Variants in CCSER1 observed in about 807,000 individuals in gnomAD.
CCSER1 encodes coiled-coil serine rich protein 1, also known as serine-rich coiled-coil domain-containing protein 1.
CCSER1 carries 41 observed loss-of-function variants against 82.0 expected under a neutral mutation model. The observed-to-expected ratio is 0.50, with a 90% CI of 0.39 to 0.65. The LOEUF (loss-of-function observed/expected upper bound fraction) is 0.65, where lower values mean the gene tolerates loss of function less well. Ranked by LOEUF, CCSER1 falls within the 30% of genes least tolerant of loss-of-function variation. CCSER1 has a pLI of 0.00. For synonymous variants in CCSER1, 414 were observed against 383.9 expected (o/e 1.08, Z -0.92); for missense variants, 1,119 against 1,064.2 (o/e 1.05, Z -0.72).
chr4:90,942,544 C>G (rs1464550152), intron 9 of CCSER1, among the ~76,000 whole-genome samples: 3 of 152,028 alleles, frequency 2.0e-5, no homozygotes, highest in African/African-American at 4.8e-5. Flanking sequence ...TTTCTGGCTA[C>G]TTTCTTACTA....
chr4:90,521,263 C>T (rs998550999), intron 5 of CCSER1, among the ~76,000 whole-genome samples: 1 of 152,036 alleles, frequency 6.6e-6, no homozygotes, highest in Non-Finnish European at 1.5e-5. Context: ...AAACCCTTAA[C>T]CTAACCAATT....
At chr4:91,288,586 T>C (rs1429625024) in intron 10 of CCSER1, among the ~76,000 whole-genome samples, 2 of 152,022 alleles carry the variant, frequency 1.3e-5, no homozygotes, top group East Asian at 3.9e-4. Context: ...CCTGAGAAGC[T>C]GTCCCTTGTG....
At chr4:91,188,280 A>G (rs940761017) in intron 10 of CCSER1, among the ~76,000 whole-genome samples, 1 of 152,156 alleles carries the variant, frequency 6.6e-6, no homozygotes, top group African/African-American at 2.4e-5. Context: ...TTTTCAGGAA[A>G]CATTGTCTAT....
intron 9 of CCSER1, chr4:91,015,362 C>T (rs1352207473): frequency 6.6e-6 from 1 of 151,962 alleles, no homozygotes; most frequent in Non-Finnish European, 1.5e-5. Flanking sequence ...AACTAATAGG[C>T]TACCGTGATA....
chr4:91,067,626 T>G (rs1197539695), intron 9 of CCSER1, among the ~76,000 whole-genome samples: 2 of 124,954 alleles, frequency 1.6e-5, no homozygotes, highest in African/African-American at 2.6e-5. Flanking sequence ...ATTACAGGTA[T>G]GAGCCACTGC....
At position 90,388,404 on chromosome 4, in the gene CCSER1, G is replaced by A. The variant is rs185931661; in HGVS notation, c.1510-11632G>A. Among the ~76,000 whole-genome samples the A allele has an allele frequency of 7.9e-5, 12 of 152,076 alleles. No individual in the cohort carries two copies. The East Asian group carries it at 2.1e-3, about 27-fold the overall frequency. On this transcript the variant is annotated intron_variant, in intron 3 of 10. Transcript: ENST00000509176. ...AGCTCACTGCAACCTTTGCCCGCTG[G>A]GTTCAAGCGATTCTCCTGCCTCAGC...
chr4:90,519,488 A>T (rs527665810), intron 5 of CCSER1, among the ~76,000 whole-genome samples: 1 of 152,078 alleles, frequency 6.6e-6, no homozygotes, highest in Admixed American at 6.5e-5. Context: ...TTACATAGGG[A>T]AGAATAAAAA....
At chr4:91,316,167 G>A (rs1745823433) in intron 10 of CCSER1, among the ~76,000 whole-genome samples, 1 of 151,988 alleles carries the variant, frequency 6.6e-6, no homozygotes, top group Admixed American at 6.6e-5. Flanking sequence ...GGAAGTGTGA[G>A]TGCATTAAAT....
intron 5 of CCSER1, among the ~76,000 whole-genome samples, chr4:90,617,976 G>C (rs1202047918): frequency 6.6e-6 from 1 of 151,824 alleles, no homozygotes; most frequent in Non-Finnish European, 1.5e-5. Flanking sequence ...GCTGTGAGTG[G>C]GTATGTCAAG....
intron 10 of CCSER1, among the ~76,000 whole-genome samples, chr4:91,473,688 A>G (rs933153948): frequency 2.0e-5 from 3 of 152,130 alleles, no homozygotes; most frequent in African/African-American, 7.2e-5. Context: ...AGAGTGTTGA[A>G]GAGCCTAGCC....
intron 10 of CCSER1, among the ~76,000 whole-genome samples, chr4:91,543,666 A>T (rs529141118): frequency 6.6e-6 from 1 of 152,272 alleles, no homozygotes; most frequent in Non-Finnish European, 1.5e-5. Context: ...CTACCCAGAG[A>T]TCCACTGTTA....
chr4:90,924,715 TTGTTG>T (rs2150256092), intron 9 of CCSER1, among the ~76,000 whole-genome samples: 1 of 152,242 alleles, frequency 6.6e-6, no homozygotes, highest in South Asian at 2.1e-4. Context: ...ACTTGGTTTT[TTGTTG>T]TTGTTGTTTG....
At chr4:91,273,025 A>G (rs1166450715) in intron 10 of CCSER1, among the ~76,000 whole-genome samples, 1 of 151,946 alleles carries the variant, frequency 6.6e-6, no homozygotes, top group Non-Finnish European at 1.5e-5. Flanking sequence ...AAATCGGGTA[A>G]TGTGATGCCT....
intron 1 of CCSER1, among the ~76,000 whole-genome samples, chr4:90,182,512 A>G (rs1028852184): frequency 6.6e-6 from 1 of 152,162 alleles, no homozygotes; most frequent in African/African-American, 2.4e-5. Context: ...ATTACAGGAT[A>G]TGTTGTTATA....
At chr4:90,301,709 A>G (rs1204652726) in intron 1 of CCSER1, among the ~76,000 whole-genome samples, 5 of 152,114 alleles carry the variant, frequency 3.3e-5, no homozygotes, top group Non-Finnish European at 5.9e-5. Flanking sequence ...TAAAGTGACT[A>G]TGACTTCTGA....
chr4:91,522,485 T>C (rs1021866287), intron 10 of CCSER1, among the ~76,000 whole-genome samples: 3 of 152,238 alleles, frequency 2.0e-5, no homozygotes, highest in Non-Finnish European at 4.4e-5. Flanking sequence ...TTTCACGATA[T>C]TGATTCTTCC....
chr4:90,817,328 C>A (rs56757679), intron 8 of CCSER1, among the ~76,000 whole-genome samples: 8,832 of 151,920 alleles, frequency 0.058, 583 homozygotes, highest in African/African-American at 0.17. Flanking sequence ...AAAGAGTATT[C>A]TTTTTTTCTC....
chr4:90,457,535 T>A (rs1388947380), intron 4 of CCSER1, among the ~76,000 whole-genome samples: 2 of 152,120 alleles, frequency 1.3e-5, no homozygotes, highest in Non-Finnish European at 2.9e-5. Flanking sequence ...GTGGGTAGCT[T>A]CTTTCAACAG....
intron 8 of CCSER1, among the ~76,000 whole-genome samples, chr4:90,858,161 A>C (rs1205506670): frequency 2.0e-5 from 3 of 151,970 alleles, no homozygotes; most frequent in Non-Finnish European, 2.9e-5. Flanking sequence ...ATTCTAGAGA[A>C]CTCACTTTAT....
Sources: gnomAD v4.1 joint callset for allele counts (sites outside exome capture counted in the v4.1 genomes callset) on GRCh38, gnomAD v4.1.1 for gene constraint, MANE v1.5 for transcripts, NCBI Gene and HGNC (gene_info 2026-07-23, HGNC 2026-07-21) for gene names.